The following VEGFC variants were observed in gnomAD, a reference collection of about 807,000 sequenced individuals.
The protein encoded by VEGFC is FLT4 ligand DHM.
A neutral mutation model predicts 46.1 loss-of-function variants in VEGFC; 12 were observed. The observed-to-expected ratio is 0.26, with a 90% CI of 0.17 to 0.42. The LOEUF (loss-of-function observed/expected upper bound fraction) is 0.42, where lower values mean the gene tolerates loss of function less well. Ranked by LOEUF, VEGFC falls within the 10% of genes least tolerant of loss-of-function variation. The pLI is 1.00. For synonymous variants in VEGFC, 232 were observed against 195.5 expected (o/e 1.19, Z -1.56); for missense variants, 488 against 529.4 (o/e 0.92, Z 0.77).
At chr4:176,685,471 T>C (rs950245097) in intron 6 of VEGFC, among the ~76,000 whole-genome samples, 32 of 152,262 alleles carry the variant, frequency 2.1e-4, no homozygotes, top group Admixed American at 2.6e-4. Context: ...AAAATGAATC[T>C]AGGATGAGTT....
chr4:176,684,929 G>A (rs1305645476), intron 6 of VEGFC, among the ~76,000 whole-genome samples: 1 of 152,154 alleles, frequency 6.6e-6, no homozygotes, highest in African/African-American at 2.4e-5. Context: ...GTTTTGCCAT[G>A]TTGGCTGGGC....
chr4:176,761,253 G>A (rs540087980), intron 1 of VEGFC, among the ~76,000 whole-genome samples: 1 of 152,122 alleles, frequency 6.6e-6, no homozygotes, highest in South Asian at 2.1e-4. Flanking sequence ...GTATCAGTGA[G>A]AACTTATTTA....
chr4:176,721,798 A>C (rs575561567), intron 3 of VEGFC, among the ~76,000 whole-genome samples: 1 of 152,182 alleles, frequency 6.6e-6, no homozygotes, highest in Admixed American at 6.5e-5. Context: ...TGTCTGAGGG[A>C]CAGCCAAGTC....
At chr4:176,789,003 T>C (rs1316820726) in intron 1 of VEGFC, among the ~76,000 whole-genome samples, 2 of 152,284 alleles carry the variant, frequency 1.3e-5, no homozygotes, top group South Asian at 2.1e-4. Context: ...CAGATAATGA[T>C]TATAAACTCC....
intron 4 of VEGFC, among the ~76,000 whole-genome samples, chr4:176,693,575 T>G (rs1452029851): frequency 6.9e-6 from 1 of 144,660 alleles, no homozygotes; most frequent in East Asian, 2.0e-4. Context: ...CCAGGAGAAC[T>G]TCCCCAATCT....
At chr4:176,727,750 GC>G (rs1231547404) in intron 3 of VEGFC, 27 bp downstream of exon 3, 2 of 1,580,286 alleles carry the variant, frequency 1.3e-6, no homozygotes, top group Non-Finnish European at 1.7e-6. Flanking sequence ...GGGGGCTCTC[GC>G]AGGTAGCAGG....
intron 1 of VEGFC, among the ~76,000 whole-genome samples, chr4:176,778,829 C>A (rs1451579120): frequency 6.6e-6 from 1 of 152,104 alleles, no homozygotes; most frequent in Non-Finnish European, 1.5e-5. Context: ...AAGAATATTT[C>A]TTTCTGTCCT....
chr4:176,721,051 C>T (rs1734778323), intron 3 of VEGFC, among the ~76,000 whole-genome samples: 1 of 151,734 alleles, frequency 6.6e-6, no homozygotes, highest in African/African-American at 2.4e-5. Context: ...GGAGATGTTT[C>T]AAACACAGAG....
At chr4:176,713,761 G>A (rs1734655125) in intron 3 of VEGFC, among the ~76,000 whole-genome samples, 1 of 152,168 alleles carries the variant, frequency 6.6e-6, no homozygotes, top group African/African-American at 2.4e-5. Context: ...AGAGGCAAAG[G>A]AACTAGTGAA....
rs1250568996 is a variant in VEGFC at position 176,683,724 on chromosome 4, G to C, written c.*202C>G. Reference sequence around the variant, plus strand: ...GGAAAATCTTGGCTGTTTGGTCATTGGCAGAAAACCAGTCTTTACAAGAGG... The same window carrying C: ...GGAAAATCTTGGCTGTTTGGTCATTCGCAGAAAACCAGTCTTTACAAGAGG... On this transcript the variant is annotated 3_prime_UTR_variant, in exon 7 of 7. Coordinates refer to ENST00000618562, the MANE Select transcript of VEGFC (RefSeq NM_005429.5). 1 of 386,964 alleles carries C rather than the reference G, an allele frequency of 2.6e-6. No individual in the cohort carries two copies. Among genetic ancestry groups the C allele is most frequent in the Non-Finnish European group, 4.6e-6 (1 of 217,606 alleles). The allele number at this position is 386,964 out of a possible 1,614,324, so 24.0% of individuals were successfully genotyped here.
At chr4:176,789,700 T>G (rs1736057646) in intron 1 of VEGFC, among the ~76,000 whole-genome samples, 1 of 152,216 alleles carries the variant, frequency 6.6e-6, no homozygotes, top group South Asian at 2.1e-4. Context: ...CAGTAAGTCA[T>G]GCAACCACAA....
chr4:176,747,640 A>C (rs1011518831), intron 1 of VEGFC, among the ~76,000 whole-genome samples: 1 of 152,028 alleles, frequency 6.6e-6, no homozygotes, highest in Middle Eastern at 3.2e-3. Flanking sequence ...AAAAAATTTA[A>C]AAATTAGCCA....
Position 176,765,930 on chromosome 4 carries a change from GT to G in VEGFC, c.147+26234del, listed in dbSNP as rs1735613574. 3.3e-5 allele frequency among the ~76,000 whole-genome samples: 5 copies of G among 151,988 alleles called. No homozygotes were observed. The South Asian group carries it at 1.0e-3, about 32-fold the overall frequency. ...AGCAACAATAAGATTGATAGTGGAT[GT>G]AATAAAAAACAGAGGGTAATATGGA... On this transcript the variant is annotated intron_variant, in intron 1 of 6. Transcript: ENST00000618562.
intron 1 of VEGFC, among the ~76,000 whole-genome samples, chr4:176,762,161 T>G: frequency 6.6e-6 from 1 of 152,294 alleles, no homozygotes; most frequent in South Asian, 2.1e-4. Flanking sequence ...CTAAAATTTC[T>G]TATAAAAACT....
chr4:176,723,834 T>G (rs1734830831), intron 3 of VEGFC, among the ~76,000 whole-genome samples: 1 of 149,150 alleles, frequency 6.7e-6, no homozygotes, highest in South Asian at 2.1e-4. Flanking sequence ...ATTTTAGGTT[T>G]GGGGTTTTAT....
At chr4:176,779,148 A>T (rs1242120495) in intron 1 of VEGFC, among the ~76,000 whole-genome samples, 3 of 152,214 alleles carry the variant, frequency 2.0e-5, no homozygotes, top group Non-Finnish European at 2.9e-5. Flanking sequence ...TAATAACATC[A>T]TGTATAAATC....
chr4:176,757,624 C>T (rs1457253603), intron 1 of VEGFC, among the ~76,000 whole-genome samples: 1 of 151,452 alleles, frequency 6.6e-6, no homozygotes, highest in East Asian at 1.9e-4. Flanking sequence ...AAGTGCTCTT[C>T]ATTAACAATT....
chr4:176,719,951 C>T (rs746219505), intron 3 of VEGFC, among the ~76,000 whole-genome samples: 10 of 151,666 alleles, frequency 6.6e-5, no homozygotes, highest in Non-Finnish European at 1.5e-4. Flanking sequence ...CCCAGCTACT[C>T]GGGAGGCTGA....
At chr4:176,783,833 T>C (rs1735953358) in intron 1 of VEGFC, among the ~76,000 whole-genome samples, 1 of 148,758 alleles carries the variant, frequency 6.7e-6, no homozygotes, top group Non-Finnish European at 1.5e-5. Context: ...CCTCTTGCTA[T>C]ATTTTAGAAA....
Sources: gnomAD v4.1 joint callset for allele counts (sites outside exome capture counted in the v4.1 genomes callset) on GRCh38, gnomAD v4.1.1 for gene constraint, MANE v1.5 for transcripts, NCBI Gene and HGNC (gene_info 2026-07-23, HGNC 2026-07-21) for gene names.